The following DMD variants were observed in gnomAD, a reference collection of about 807,000 sequenced individuals.
The protein encoded by DMD is mutant dystrophin.
In DMD, 63 loss-of-function variants were observed where a neutral mutation model predicts 330.1. The ratio of observed to expected loss-of-function variants is 0.19; its 90% CI spans 0.16 to 0.24. DMD has a LOEUF of 0.24. Among genes scored for constraint, DMD ranks in the 10% least tolerant of loss-of-function variants. The pLI is 1.00. For missense variants in DMD, 3,344 were observed against 2,684.1 expected, an observed-to-expected ratio of 1.25 and a Z score of -5.43; for synonymous variants, 1,223 against 959.8, an observed-to-expected ratio of 1.27 and a Z score of -5.07.
intron 44 of DMD, among the ~76,000 whole-genome samples, chrX:32,074,637 T>C (rs1330594008): frequency 8.9e-6 from 1 of 112,182 alleles, no homozygotes; most frequent in African/African-American, 3.2e-5. Context: ...ATGTATTGTC[T>C]GCTTTCATAC....
At chrX:33,005,335 C>A (rs917809736) in intron 2 of DMD, among the ~76,000 whole-genome samples, 1 of 108,323 alleles carries the variant, frequency 9.2e-6, no homozygotes, top group African/African-American at 3.3e-5. Context: ...TTATTCAATT[C>A]TGTTTTATAT....
intron 51 of DMD, among the ~76,000 whole-genome samples, chrX:31,771,353 AT>A (rs1415429367): frequency 9.1e-6 from 1 of 110,052 alleles, no homozygotes; most frequent in Non-Finnish European, 1.9e-5. Flanking sequence ...GGGAGATTAG[AT>A]TTTTTTATAA....
rs66570132 is a variant in DMD at position 31,324,393 on chromosome X, GTT to G, written c.9164-737_9164-736del. On this transcript the variant is annotated intron_variant, in intron 61 of 78. Coordinates refer to ENST00000357033, the MANE Select transcript of DMD (RefSeq NM_004006.3). ...TGGTCAAATGAATGATCTTTGCATT[GTT>G]TTTTTTTTTTTCAGGCTTAAGTTGT... Among the ~76,000 whole-genome samples the G allele has an allele frequency of 8.1e-3, 771 of 95,140 alleles. 9 individuals carry two copies. Among genetic ancestry groups the G allele is most frequent in the African/African-American group, 0.027 (725 of 26,734 alleles). 82.6% of individuals were successfully genotyped at this position (95,140 alleles called of 115,157 possible). A position where few individuals can be genotyped will look rare whatever the true frequency, so the allele number is the denominator to read the frequency against.
Position 31,417,861 on chromosome X carries a change from G to T in DMD, c.9084+26620C>A, listed in dbSNP as rs953726363. On this transcript the variant is annotated intron_variant, in intron 60 of 78. Coordinates refer to ENST00000357033, the MANE Select transcript of DMD (RefSeq NM_004006.3). ...CACCACCATGCCCGGCTAATTTTTT[G>T]TATTTTTAGTAGAGACGGGGTTCCA... is the stretch of plus-strand genomic sequence containing the variant. Among the ~76,000 whole-genome samples the T allele has an allele frequency of 3.7e-5, 4 of 107,982 alleles. No individual in the cohort carries two copies. In the South Asian group the frequency reaches 1.7e-3, roughly 45 times the overall value. The allele number at this position is 107,982 out of a possible 115,157, so 93.8% of individuals were successfully genotyped here. A position where few individuals can be genotyped will look rare whatever the true frequency, so the allele number is the denominator to read the frequency against.
intron 11 of DMD, among the ~76,000 whole-genome samples, chrX:32,621,411 C>T (rs532043565): frequency 1.8e-5 from 2 of 110,638 alleles, no homozygotes; most frequent in South Asian, 7.7e-4. Context: ...CATGTTCTAT[C>T]GTGGTTTCAT....
At chrX:32,854,571 C>CAAAA (rs1201969423) in intron 2 of DMD, among the ~76,000 whole-genome samples, 1 of 61,626 alleles carries the variant, frequency 1.6e-5, no homozygotes, top group Non-Finnish European at 3.1e-5. Flanking sequence ...GCACTTGTAT[C>CAAAA]AAAAAAAAAA....
intron 52 of DMD, among the ~76,000 whole-genome samples, chrX:31,728,118 G>A (rs1175206611): frequency 1.8e-5 from 2 of 112,172 alleles, no homozygotes; most frequent in African/African-American, 3.2e-5. Flanking sequence ...CGCCTCCCGG[G>A]TTCACGCCAT....
intron 1 of DMD, among the ~76,000 whole-genome samples, chrX:33,060,020 G>A (rs2094563535): frequency 9.0e-6 from 1 of 111,641 alleles, no homozygotes. Context: ...GGTAATGTGC[G>A]ATCCTTATAC....
At position 32,709,024 on chromosome X, in the gene DMD, T is replaced by C. The variant is rs183560770; in HGVS notation, c.650-9731A>G. ...CTAAGCACTACTGGAGGCATGCTGATGAAACACACCCAATCAAGAAGTAGC... is the reference window on the plus strand; with the variant it reads ...CTAAGCACTACTGGAGGCATGCTGACGAAACACACCCAATCAAGAAGTAGC... On this transcript the variant is annotated intron_variant, in intron 7 of 78. Transcript: ENST00000357033. Among the ~76,000 whole-genome samples, 6 of 112,200 alleles carry C rather than the reference T, an allele frequency of 5.3e-5. No individual in the cohort carries two copies. The East Asian group carries it at 1.7e-3, about 31-fold the overall frequency.
intron 17 of DMD, among the ~76,000 whole-genome samples, chrX:32,519,005 T>A (rs2046152208): frequency 1.2e-5 from 1 of 82,396 alleles, no homozygotes; most frequent in Non-Finnish European, 2.2e-5. Context: ...ACCTTTTTTT[T>A]TTTTTTTTTT....
chrX:32,644,979 C>G lies in DMD; in HGVS notation c.1134G>C (p.Gln378His). ...TTTAGTTTACCTCATGAGTATGAAA[C>G]TGGTCTTTCACCACTTCCACATCAT... is the stretch of plus-strand genomic sequence containing the variant. ...ISNDVEVVKD[Q>H]FHTHEGYMMD... Residue 378 changes from glutamine (Q) to histidine (H), a missense_variant, in exon 10 of 79, where the codon CAG becomes CAC. Coordinates refer to ENST00000357033, the MANE Select transcript of DMD (RefSeq NM_004006.3). The G allele has an allele frequency of 1.7e-6, 2 of 1,211,387 alleles. No homozygotes were observed. The highest frequency in any genetic ancestry group is 2.2e-6 in the Non-Finnish European group (2 of 895,300).
At chrX:33,253,120 G>C (rs1386625210) in intron 1 of DMD, among the ~76,000 whole-genome samples, 1 of 104,740 alleles carries the variant, frequency 9.5e-6, no homozygotes, top group East Asian at 2.8e-4. Flanking sequence ...ATCCTGATTT[G>C]ATCATTATAC....
At position 31,295,470 on chromosome X, in the gene DMD, A is replaced by G. The variant is rs143233667; in HGVS notation, c.9224+28128T>C. On this transcript the variant is annotated intron_variant, in intron 62 of 78. Coordinates refer to ENST00000357033, the MANE Select transcript of DMD (RefSeq NM_004006.3). The stretch of plus-strand genomic sequence containing the variant: ...GCTCTGTCACCCAGGCTAGAGTGCA[A>G]TGGCATGATCTTGGCTCACTGCAAC... Among the ~76,000 whole-genome samples, 744 of 110,350 alleles carry G rather than the reference A, an allele frequency of 6.7e-3. 5 individuals are homozygous for G. Among genetic ancestry groups the G allele is most frequent in the African/African-American group, 0.024 (721 of 30,330 alleles).
At chrX:31,602,485 T>C (rs750299605) in intron 55 of DMD, among the ~76,000 whole-genome samples, 1 of 111,236 alleles carries the variant, frequency 9.0e-6, no homozygotes, top group South Asian at 3.8e-4. Flanking sequence ...GGCCCTTAAA[T>C]TTTGGCGGTT....
intron 47 of DMD, among the ~76,000 whole-genome samples, chrX:31,896,037 A>G (rs1435555992): frequency 8.9e-6 from 1 of 111,884 alleles, no homozygotes; most frequent in African/African-American, 3.2e-5. Flanking sequence ...ATTTATTTGC[A>G]AGCTACTTCT....
intron 29 of DMD, among the ~76,000 whole-genome samples, chrX:32,418,184 T>G (rs755105169): frequency 1.8e-5 from 2 of 111,580 alleles, no homozygotes; most frequent in Non-Finnish European, 3.8e-5. Flanking sequence ...TCTACCTGGA[T>G]GATGTAAAAG....
intron 52 of DMD, among the ~76,000 whole-genome samples, chrX:31,680,284 C>T (rs1315340866): frequency 8.9e-6 from 1 of 111,755 alleles, no homozygotes; most frequent in African/African-American, 3.3e-5. Context: ...ATTTACCCCC[C>T]AAATAAATCA....
chrX:31,389,598 T>A (rs2060605126), intron 60 of DMD, among the ~76,000 whole-genome samples: 2 of 112,152 alleles, frequency 1.8e-5, no homozygotes, highest in African/African-American at 6.5e-5. Flanking sequence ...TAGTGAGTTT[T>A]AAAAAATCAT....
At chrX:31,910,028 G>A (rs1009562175) in intron 47 of DMD, among the ~76,000 whole-genome samples, 3 of 112,519 alleles carry the variant, frequency 2.7e-5, no homozygotes, top group African/African-American at 9.7e-5. Flanking sequence ...TAACCTAGTA[G>A]TACCTGCTGT....
Sources: allele counts gnomAD v4.1 joint callset (sites outside exome capture counted in the v4.1 genomes callset), GRCh38; gene constraint gnomAD v4.1.1; transcripts MANE v1.5; gene names NCBI Gene and HGNC (gene_info 2026-07-23, HGNC 2026-07-21).